Variants in HVCN1 observed in about 807,000 individuals in gnomAD.
The protein encoded by HVCN1 is hydrogen voltage gated channel 1, also known as voltage-gated hydrogen channel 1.
HVCN1 carries 14 observed loss-of-function variants against 29.2 expected under a neutral mutation model. That is an observed-to-expected ratio of 0.48 (90% CI 0.32 to 0.75). The LOEUF (loss-of-function observed/expected upper bound fraction) is 0.75, where lower values mean the gene tolerates loss of function less well. Among genes scored for constraint, HVCN1 ranks in the 30% least tolerant of loss-of-function variants. The pLI, the probability that HVCN1 is intolerant of heterozygous loss-of-function variation, is 0.04. For synonymous variants in HVCN1, 131 were observed against 133.2 expected (o/e 0.98, Z 0.11); for missense variants, 263 against 341.8 (o/e 0.77, Z 1.82).
chr12:110,701,921 C>A (rs1232574922), intron 2 of HVCN1, among the ~76,000 whole-genome samples: 1 of 147,508 alleles, frequency 6.8e-6, no homozygotes, highest in East Asian at 1.9e-4. Context: ...AACAACAAAA[C>A]ACACACAGGT....
rs1373000800 is a variant in HVCN1, at chr12:110,654,458, TG to T, written c.411+775del. 6.6e-3 allele frequency among the ~76,000 whole-genome samples: 914 copies of T among 138,598 alleles called. 1 individual carries two copies. The highest frequency in any genetic ancestry group is 9.8e-3 in the Non-Finnish European group (626 of 63,762). The allele number at this position is 138,598 out of a possible 152,430, so 90.9% of individuals were successfully genotyped here. On this transcript the variant is annotated intron_variant, in intron 5 of 7. Coordinates refer to ENST00000242607, the MANE Select transcript of HVCN1 (RefSeq NM_032369.4). ...TTCCAAAAAAGGGCATGGCGGGGGA[TG>T]GGGGGGAAATGCTTTTTTTTTTTTT... is the stretch of plus-strand genomic sequence containing the variant.
intron 3 of HVCN1, among the ~76,000 whole-genome samples, chr12:110,671,272 G>C (rs866678615): frequency 1.3e-5 from 2 of 152,184 alleles, no homozygotes; most frequent in South Asian, 4.1e-4. Flanking sequence ...AGTGAGCCGA[G>C]ATCATGCCAT....
Position 110,649,075 on chromosome 12 carries a change from C to G in HVCN1, c.*335G>C, listed in dbSNP as rs959194524. On this transcript the variant is annotated 3_prime_UTR_variant, in exon 8 of 8. Coordinates refer to ENST00000242607, the MANE Select transcript of HVCN1 (RefSeq NM_032369.4). ...AGATGCATCAGTTCCTTAATATACA[C>G]GTGAAATTTGAAAACTGTACATTCG... 2 of 574,806 alleles carry G rather than the reference C, an allele frequency of 3.5e-6. No homozygotes were observed. Among genetic ancestry groups the G allele is most frequent in the Non-Finnish European group, 6.6e-6 (2 of 305,310 alleles). The allele number at this position is 574,806 out of a possible 1,614,324, so 35.6% of individuals were successfully genotyped here.
At chr12:110,701,654 C>G (rs1219041278) in intron 2 of HVCN1, among the ~76,000 whole-genome samples, 1 of 151,964 alleles carries the variant, frequency 6.6e-6, no homozygotes, top group Non-Finnish European at 1.5e-5. Flanking sequence ...GTCAGGAGTT[C>G]AAGACCAGCC....
chr12:110,659,178 T>TG (rs2068083811), intron 4 of HVCN1, among the ~76,000 whole-genome samples: 3 of 150,530 alleles, frequency 2.0e-5, no homozygotes, highest in South Asian at 4.2e-4. Flanking sequence ...CACAAGAGAG[T>TG]GGGGAAAAAA....
At chr12:110,696,353 C>T (rs1470625710) in intron 2 of HVCN1, among the ~76,000 whole-genome samples, 1 of 152,134 alleles carries the variant, frequency 6.6e-6, no homozygotes, top group Non-Finnish European at 1.5e-5. Flanking sequence ...GCATTTAGTA[C>T]ATTCACAATG....
intron 2 of HVCN1, among the ~76,000 whole-genome samples, chr12:110,695,800 A>G (rs1427094937): frequency 6.6e-6 from 1 of 152,206 alleles, no homozygotes; most frequent in Non-Finnish European, 1.5e-5. Flanking sequence ...TTATGAGGCC[A>G]AAAGGAGGCC....
intron 4 of HVCN1, among the ~76,000 whole-genome samples, chr12:110,657,278 G>A (rs1368918081): frequency 6.6e-6 from 1 of 152,144 alleles, no homozygotes; most frequent in East Asian, 1.9e-4. Context: ...CAGATCACCT[G>A]AGGTCAGGAG....
intron 3 of HVCN1, among the ~76,000 whole-genome samples, chr12:110,675,778 G>T (rs1387671920): frequency 1.3e-5 from 2 of 151,834 alleles, no homozygotes; most frequent in East Asian, 3.9e-4. Flanking sequence ...TGGTGGTGGT[G>T]CATGCCTATA....
At position 110,649,104 on chromosome 12, in the gene HVCN1, A is replaced by C; in HGVS notation, c.*306T>G. On this transcript the variant is annotated 3_prime_UTR_variant, in exon 8 of 8. Transcript: ENST00000242607. Reference sequence around the variant, plus strand: ...AAATTTGAAAACTGTACATTCGGTGAGATTAAATTTTATATACAACTAGCA... The same window carrying C: ...AAATTTGAAAACTGTACATTCGGTGCGATTAAATTTTATATACAACTAGCA... The C allele has an allele frequency of 1.6e-6, 1 of 639,306 alleles. No individual in the cohort carries two copies. 39.6% of individuals were successfully genotyped at this position (639,306 alleles called of 1,614,324 possible).
intron 3 of HVCN1, among the ~76,000 whole-genome samples, chr12:110,669,912 C>T (rs1287800327): frequency 2.0e-5 from 3 of 152,192 alleles, no homozygotes; most frequent in Middle Eastern, 3.4e-3. Flanking sequence ...AAAAATTAGC[C>T]AGGCATGGTG....
chr12:110,673,846 G>A (rs1293651092), intron 3 of HVCN1, among the ~76,000 whole-genome samples: 1 of 152,264 alleles, frequency 6.6e-6, no homozygotes, highest in Non-Finnish European at 1.5e-5. Context: ...GTTTGCTTCA[G>A]GGGTGGGGCC....
chr12:110,682,636 T>A (rs1298636622), intron 3 of HVCN1: 1 of 156,226 alleles, frequency 6.4e-6, no homozygotes, highest in African/African-American at 2.4e-5. Context: ...CCGACAATCC[T>A]GCAAGGGCAG....
intron 2 of HVCN1, among the ~76,000 whole-genome samples, chr12:110,698,943 C>A (rs1352905730): frequency 6.6e-6 from 1 of 152,186 alleles, no homozygotes; most frequent in Admixed American, 6.5e-5. Flanking sequence ...ACCTGGCCAA[C>A]ATGGCAAAAC....
Position 110,683,082 on chromosome 12 carries a change from T to A in HVCN1, c.21+143A>T. 2.6e-6 allele frequency: 3 copies of A among 1,148,460 alleles called. No individual in the cohort carries two copies. In the South Asian group the frequency reaches 3.8e-5, roughly 15 times the overall value. The allele number at this position is 1,148,460 out of a possible 1,614,324, so 71.1% of individuals were successfully genotyped here. ...GTTTTGTGAAGTCCTTTTACAGCTTTTCATCATTTTGATTTTAAATATTTC... is the reference window on the plus strand; with the variant it reads ...GTTTTGTGAAGTCCTTTTACAGCTTATCATCATTTTGATTTTAAATATTTC... On this transcript the variant is annotated intron_variant, in intron 3 of 7. Coordinates refer to ENST00000242607, the MANE Select transcript of HVCN1 (RefSeq NM_032369.4).
intron 5 of HVCN1, among the ~76,000 whole-genome samples, chr12:110,652,430 A>G (rs2067843433): frequency 6.6e-6 from 1 of 152,168 alleles, no homozygotes; most frequent in South Asian, 2.1e-4. Flanking sequence ...CCTCACACCA[A>G]GATAACCATT....
intron 3 of HVCN1, among the ~76,000 whole-genome samples, chr12:110,664,788 G>T (rs1161052269): frequency 6.6e-6 from 1 of 152,156 alleles, no homozygotes; most frequent in Non-Finnish European, 1.5e-5. Flanking sequence ...ATGGACTTTG[G>T]CTGAGTCCTA....
Position 110,661,143 on chromosome 12 carries a change from C to A in HVCN1, c.306+21G>T, listed in dbSNP as rs1475979526. ...GGCTCTCCTGCCAGCTCTGGGTATC[C>A]CGGACTCCTGCCCCACCTACCTGAA... On this transcript the variant is annotated intron_variant, in intron 4 of 7. Transcript: ENST00000242607. The surrounding 1 kb of genome is among the most constrained non-coding windows in gnomAD (Gnocchi z 6.2). The A allele has an allele frequency of 1.3e-6, 2 of 1,573,392 alleles. No homozygotes were observed. Among genetic ancestry groups the A allele is most frequent in the Non-Finnish European group, 1.7e-6 (2 of 1,157,084 alleles).
intron 3 of HVCN1, among the ~76,000 whole-genome samples, chr12:110,667,427 C>G (rs1476968118): frequency 6.6e-6 from 1 of 151,136 alleles, no homozygotes; most frequent in East Asian, 2.0e-4. Context: ...AGCCACCGTG[C>G]CTGGCCATAA....
Sources: allele counts gnomAD v4.1 joint callset (sites outside exome capture counted in the v4.1 genomes callset), GRCh38; gene constraint gnomAD v4.1.1; non-coding constraint Gnocchi (gnomAD v3.1); transcripts MANE v1.5; gene names NCBI Gene and HGNC (gene_info 2026-07-23, HGNC 2026-07-21).